DEUP1: variants seen among roughly 807,000 people sequenced by gnomAD.
The protein encoded by DEUP1 is deuterosome assembly protein 1.
DEUP1 carries 82 observed loss-of-function variants against 87.4 expected under a neutral mutation model. That is an observed-to-expected ratio of 0.94 (90% confidence interval 0.78 to 1.13). DEUP1 has a LOEUF of 1.13. Among genes scored for constraint, DEUP1 ranks in the 50% most tolerant of loss-of-function variants. DEUP1 has a pLI of 0.00. For missense variants in DEUP1, 663 were observed against 681.5 expected (o/e 0.97, Z 0.30); for synonymous variants, 214 against 222.7 (o/e 0.96, Z 0.35).
intron 2 of DEUP1, among the ~76,000 whole-genome samples, chr11:93,354,293 C>A (rs150665273): frequency 0.012 from 1,857 of 152,228 alleles, 47 homozygotes; most frequent in African/African-American, 0.041. Context: ...CATCTGGGAC[C>A]ACCTCAGCCT....
chr11:93,391,158 A>G (rs1289983315), intron 9 of DEUP1, among the ~76,000 whole-genome samples: 1 of 151,360 alleles, frequency 6.6e-6, no homozygotes, highest in Non-Finnish European at 1.5e-5. Context: ...AACAAGAGCT[A>G]TGTATTATGA....
chr11:93,361,998 C>T (rs1404949289), intron 4 of DEUP1, among the ~76,000 whole-genome samples: 1 of 151,940 alleles, frequency 6.6e-6, no homozygotes, highest in African/African-American at 2.4e-5. Context: ...GGTGCAATGA[C>T]AAGAGGATAT....
intron 5 of DEUP1, among the ~76,000 whole-genome samples, chr11:93,365,337 A>G (rs1000294970): frequency 6.6e-6 from 1 of 152,108 alleles, no homozygotes; most frequent in African/African-American, 2.4e-5. Context: ...TTTTAAAAAA[A>G]CAAACTTACC....
At chr11:93,394,087 C>A (rs538085426) in intron 9 of DEUP1, among the ~76,000 whole-genome samples, 2 of 152,100 alleles carry the variant, frequency 1.3e-5, no homozygotes, top group African/African-American at 4.8e-5. Flanking sequence ...CTAGCTTTGC[C>A]GATTATTAGC....
intron 13 of DEUP1, among the ~76,000 whole-genome samples, chr11:93,428,547 TAACA>T: frequency 6.6e-6 from 1 of 152,184 alleles, no homozygotes; most frequent in Non-Finnish European, 1.5e-5. Flanking sequence ...TATACATATG[TAACA>T]AACCTGCACA....
At chr11:93,357,563 C>T (rs1944957568) in intron 4 of DEUP1, 1 of 152,390 alleles carries the variant, frequency 6.6e-6, no homozygotes, top group African/African-American at 2.4e-5. Context: ...ATCCCTGTAT[C>T]TTCACACAAA....
chr11:93,383,208 CAACCCA>C (rs1440838935), intron 7 of DEUP1, among the ~76,000 whole-genome samples: 2 of 152,134 alleles, frequency 1.3e-5, no homozygotes, highest in African/African-American at 4.8e-5. Context: ...AAAGTAGAAA[CAACCCA>C]AATGTCCATC....
At position 93,394,669 on chromosome 11, in the gene DEUP1, G is replaced by A. The variant is rs778027558; in HGVS notation, c.1239+13G>A. On this transcript the variant is annotated intron_variant, in intron 10 of 13. Transcript: ENST00000298050. Reference sequence around the variant, plus strand: ...AGCAAAACAAAAGGTATGCAAGCAGGCAGAATAGCACTTGTCTAGGGCACA... The same window carrying A: ...AGCAAAACAAAAGGTATGCAAGCAGACAGAATAGCACTTGTCTAGGGCACA... The A allele has an allele frequency of 1.4e-5, 22 of 1,589,166 alleles. No homozygotes were observed. Among genetic ancestry groups the A allele is most frequent in the Non-Finnish European group, 1.8e-5 (21 of 1,162,700 alleles).
rs754414914 is a variant in DEUP1 at position 93,370,068 on chromosome 11, A to T, written c.433-5A>T. On this transcript the variant is annotated splice_region_variant and splice_polypyrimidine_tract_variant and intron_variant, in intron 5 of 13. Transcript: ENST00000298050. ...AAATATGTTTGTCTCCCCACTTTTT[A>T]AAAGGAATTTAGAGCAAAGTCAAGA... 140 of 1,524,484 alleles carry T rather than the reference A, an allele frequency of 9.2e-5. No homozygotes were observed. Among genetic ancestry groups the T allele is most frequent in the Middle Eastern group, 8.5e-4 (5 of 5,900 alleles). 94.4% of individuals were successfully genotyped at this position (1,524,484 alleles called of 1,614,324 possible). A position where few individuals can be genotyped will look rare whatever the true frequency, so the allele number is the denominator to read the frequency against.
At chr11:93,341,781 A>G (rs3020080) in intron 2 of DEUP1, among the ~76,000 whole-genome samples, 85,892 of 151,942 alleles carry the variant, frequency 0.57, 24,758 homozygotes, top group Admixed American at 0.66. Flanking sequence ...CAAATTTGGT[A>G]GCTTAAAACC....
chr11:93,362,930 TTTAA>T (rs1238825740), intron 4 of DEUP1, among the ~76,000 whole-genome samples: 3 of 151,874 alleles, frequency 2.0e-5, no homozygotes, highest in South Asian at 2.1e-4. Flanking sequence ...AAGTGGCTAC[TTTAA>T]TTAATCTGAT....
intron 6 of DEUP1, among the ~76,000 whole-genome samples, chr11:93,370,398 T>C (rs1268836031): frequency 6.6e-6 from 1 of 152,230 alleles, no homozygotes; most frequent in African/African-American, 2.4e-5. Flanking sequence ...TAAAATTCCA[T>C]TGTTATTGTG....
intron 2 of DEUP1, among the ~76,000 whole-genome samples, chr11:93,335,640 T>A (rs1410033033): frequency 6.6e-6 from 1 of 152,228 alleles, no homozygotes; most frequent in African/African-American, 2.4e-5. Flanking sequence ...CATTATAAAA[T>A]ATAGCACAAG....
At chr11:93,336,992 T>G (rs560243013) in intron 2 of DEUP1, among the ~76,000 whole-genome samples, 1 of 152,330 alleles carries the variant, frequency 6.6e-6, no homozygotes, top group East Asian at 1.9e-4. Flanking sequence ...TACTGAATCT[T>G]TTACTGTACC....
intron 2 of DEUP1, among the ~76,000 whole-genome samples, chr11:93,344,136 T>C (rs1166842912): frequency 6.6e-6 from 1 of 152,158 alleles, no homozygotes; most frequent in African/African-American, 2.4e-5. Context: ...TTCACTTTAG[T>C]GTTTTAGAAC....
At chr11:93,416,101 T>C (rs1591255359) in intron 13 of DEUP1, among the ~76,000 whole-genome samples, 2 of 152,240 alleles carry the variant, frequency 1.3e-5, no homozygotes, top group Middle Eastern at 3.4e-3. Flanking sequence ...CCAATGAATA[T>C]CTCAAGTAGC....
Position 93,357,085 on chromosome 11 carries a change from T to C in DEUP1, c.297+42T>C, listed in dbSNP as rs374991294. On this transcript the variant is annotated intron_variant, in intron 4 of 13. Coordinates refer to ENST00000298050, the MANE Select transcript of DEUP1 (RefSeq NM_181645.4). ...TAATTTAATATCACACATTTTGATA[T>C]ATTTTTTTTTACCTGTAGAGTTGTG... 37 of 1,229,874 alleles carry C rather than the reference T, an allele frequency of 3.0e-5. No individual in the cohort carries two copies. The African/African-American group carries it at 4.8e-4, about 16-fold the overall frequency. The allele number at this position is 1,229,874 out of a possible 1,614,324, so 76.2% of individuals were successfully genotyped here.
chr11:93,408,845 T>C (rs1022449998), intron 12 of DEUP1, among the ~76,000 whole-genome samples: 1 of 152,064 alleles, frequency 6.6e-6, no homozygotes, highest in East Asian at 1.9e-4. Context: ...GTTGTTTTTG[T>C]TTTTTGGGGT....
intron 4 of DEUP1, among the ~76,000 whole-genome samples, chr11:93,357,755 T>C (rs1944965289): frequency 1.3e-5 from 2 of 152,206 alleles, no homozygotes. Context: ...ATATTTCACA[T>C]ATGATAATTT....
Sources: allele counts gnomAD v4.1 joint callset (sites outside exome capture counted in the v4.1 genomes callset), GRCh38; gene constraint gnomAD v4.1.1; transcripts MANE v1.5; gene names NCBI Gene and HGNC (gene_info 2026-07-23, HGNC 2026-07-21).